TASP1: variants seen among roughly 807,000 people sequenced by gnomAD.
The protein encoded by TASP1 is taspase 1.
TASP1 carries 16 observed loss-of-function variants against 56.6 expected under a neutral mutation model. That is an observed-to-expected ratio of 0.28 (90% CI 0.19 to 0.43). The LOEUF (loss-of-function observed/expected upper bound fraction) is 0.43. Among genes scored for constraint, TASP1 ranks in the 20% least tolerant of loss-of-function variants. The pLI, the probability that TASP1 is intolerant of heterozygous loss-of-function variation, is 1.00. For synonymous variants in TASP1, 179 were observed against 184.2 expected (o/e 0.97, Z 0.23); for missense variants, 393 against 511.6 (o/e 0.77, Z 2.24).
intron 4 of TASP1, among the ~76,000 whole-genome samples, chr20:13,597,837 C>A (rs1200535644): frequency 6.6e-6 from 1 of 152,210 alleles, no homozygotes; most frequent in South Asian, 2.1e-4. Context: ...AGCAAAGTCT[C>A]AGGATACAAA....
At chr20:13,370,924 A>G in the TASP1 span, among the ~76,000 whole-genome samples, 9 of 151,980 alleles carry the variant, frequency 5.9e-5, no homozygotes, top group Non-Finnish European at 1.2e-4. Context: ...GAATTTGTCA[A>G]TTTCATCTAA....
chr20:13,580,874 G>C (rs546979957), intron 6 of TASP1, 23 bp downstream of exon 6: 3 of 1,611,986 alleles, frequency 1.9e-6, no homozygotes, highest in South Asian at 1.1e-5. Flanking sequence ...GACAGGGAAA[G>C]TCAGGAAGAA....
rs1347264232 is a variant in TASP1 at position 13,449,401 on chromosome 20, C to CTATT, written c.986-14251_986-14248dup. On this transcript the variant is annotated intron_variant, in intron 11 of 13. Transcript: ENST00000337743. ...ACCCAATTTTACCATGAGAGCAACT[C>CTATT]TATTCACTTTTACTTTGTGTGGTCA... is the stretch of plus-strand genomic sequence containing the variant. Among the ~76,000 whole-genome samples, 3 of 152,240 alleles carry CTATT rather than the reference C, an allele frequency of 2.0e-5. No individual in the cohort carries two copies. The East Asian group carries it at 5.8e-4, about 29-fold the overall frequency.
chr20:13,431,622 GGAAGA>G (rs1270339077), intron 12 of TASP1, among the ~76,000 whole-genome samples: 3 of 152,118 alleles, frequency 2.0e-5, no homozygotes, highest in Non-Finnish European at 4.4e-5. Flanking sequence ...GAGTGAAGGA[GGAAGA>G]GAAAAGGAGA....
the TASP1 span, among the ~76,000 whole-genome samples, chr20:13,353,670 G>A: frequency 6.6e-6 from 1 of 152,156 alleles, no homozygotes; most frequent in Non-Finnish European, 1.5e-5. Flanking sequence ...CACAAGTCCT[G>A]TTCAGGGGAT....
the TASP1 span, among the ~76,000 whole-genome samples, chr20:13,212,030 TG>T: frequency 6.6e-6 from 1 of 152,046 alleles, no homozygotes; most frequent in Admixed American, 6.6e-5. Flanking sequence ...TGAAATGGAG[TG>T]GGGTTTTTGG....
At chr20:13,221,738 G>A in the TASP1 span, 1 of 1,352,260 alleles carries the variant, frequency 7.4e-7, no homozygotes, top group Non-Finnish European at 9.5e-7. Context: ...GCCGCCGCCG[G>A]CCGCCGCGCC....
At chr20:13,148,837 A>G in the TASP1 span, among the ~76,000 whole-genome samples, 1 of 152,198 alleles carries the variant, frequency 6.6e-6, no homozygotes, top group Non-Finnish European at 1.5e-5. Context: ...GTGAGGTGGC[A>G]CTGAGGCTGC....
At chr20:13,483,127 G>C in intron 11 of TASP1, 100 bp downstream of exon 11, 1 of 796,796 alleles carries the variant, frequency 1.3e-6, no homozygotes, top group Admixed American at 2.8e-5. Flanking sequence ...AGACCCTAGA[G>C]GTAGGTCTAG....
At chr20:13,536,135 TG>T (rs2146912024) in intron 8 of TASP1, among the ~76,000 whole-genome samples, 1 of 152,330 alleles carries the variant, frequency 6.6e-6, no homozygotes, top group Admixed American at 6.5e-5. Flanking sequence ...CAAATTTTAA[TG>T]TGCACACACA....
At chr20:13,238,641 T>A in the TASP1 span, among the ~76,000 whole-genome samples, 2 of 152,214 alleles carry the variant, frequency 1.3e-5, no homozygotes, top group African/African-American at 4.8e-5. Flanking sequence ...TGTTATTAAC[T>A]TTCCAAGAAG....
At chr20:13,630,217 A>C in intron 1 of TASP1, 65 bp from the exon 2 acceptor site, 1 of 811,550 alleles carries the variant, frequency 1.2e-6, no homozygotes, top group Non-Finnish European at 1.8e-6. Flanking sequence ...ACTTACACAA[A>C]TTCATGCAAA....
At chr20:13,323,897 A>G in the TASP1 span, among the ~76,000 whole-genome samples, 1 of 152,208 alleles carries the variant, frequency 6.6e-6, no homozygotes, top group African/African-American at 2.4e-5. Context: ...TGACCAAAAA[A>G]ATTGTTAATA....
downstream of TASP1, among the ~76,000 whole-genome samples, chr20:13,384,749 G>A (rs553910698): frequency 1.3e-5 from 2 of 152,172 alleles, no homozygotes; most frequent in Admixed American, 6.5e-5. Flanking sequence ...CTGGTTAATC[G>A]GCTTCTGGGA....
chr20:13,488,208 C>T (rs2043397066), intron 10 of TASP1, among the ~76,000 whole-genome samples: 2 of 151,650 alleles, frequency 1.3e-5, no homozygotes, highest in African/African-American at 4.8e-5. Context: ...CACAGAGTTC[C>T]AAAAAAGAGG....
At chr20:13,583,878 A>C (rs1156892328) in intron 5 of TASP1, among the ~76,000 whole-genome samples, 1 of 152,152 alleles carries the variant, frequency 6.6e-6, no homozygotes, top group Non-Finnish European at 1.5e-5. Flanking sequence ...TTAGGAGTTC[A>C]AGACCAGCTT....
the TASP1 span, among the ~76,000 whole-genome samples, chr20:13,124,458 T>G: frequency 7.3e-6 from 1 of 137,098 alleles, no homozygotes. Flanking sequence ...AGAACTAGAG[T>G]AGAAGGGAAG....
At chr20:13,279,864 C>G in the TASP1 span, 1 of 1,613,956 alleles carries the variant, frequency 6.2e-7, no homozygotes, top group South Asian at 1.1e-5. Flanking sequence ...CCCCAGGCCA[C>G]CGGACTTTTG....
intron 1 of TASP1, among the ~76,000 whole-genome samples, chr20:13,638,300 T>G (rs1306854713): frequency 2.0e-5 from 3 of 152,070 alleles, no homozygotes; most frequent in Admixed American, 2.0e-4. Context: ...CCAGGAAAGT[T>G]GAACTCTCTC....
Sources: allele counts gnomAD v4.1 joint callset (sites outside exome capture counted in the v4.1 genomes callset), GRCh38; gene constraint gnomAD v4.1.1; transcripts MANE v1.5; gene names NCBI Gene and HGNC (gene_info 2026-07-23, HGNC 2026-07-21).